Variants in CNTN1 observed in about 807,000 individuals in gnomAD.
CNTN1 encodes contactin 1.
CNTN1 carries 38 observed loss-of-function variants against 126.4 expected under a neutral mutation model. That is an observed-to-expected ratio of 0.30 (90% confidence interval 0.23 to 0.39). CNTN1 has a LOEUF of 0.39. Ranked by LOEUF, CNTN1 falls within the 10% of genes least tolerant of loss-of-function variation. CNTN1 has a pLI of 1.00. For synonymous variants in CNTN1, 413 were observed against 422.6 expected (o/e 0.98, Z 0.28); for missense variants, 1,009 against 1,248.4 (o/e 0.81, Z 2.89).
intron 17 of CNTN1, among the ~76,000 whole-genome samples, chr12:40,999,486 C>T (rs1283740117): frequency 6.6e-6 from 1 of 152,062 alleles, no homozygotes; most frequent in African/African-American, 2.4e-5. Flanking sequence ...CCCATTTCTG[C>T]AGGGCTGAGT....
chr12:40,767,636 GT>G (rs1939168124), intron 1 of CNTN1, among the ~76,000 whole-genome samples: 2 of 136,244 alleles, frequency 1.5e-5, no homozygotes, highest in South Asian at 4.7e-4. Context: ...TTGTTTGTTT[GT>G]TTGTTTGTTT....
At chr12:40,872,212 T>TTGTGTGTGTGTGTGTGTG (rs61187240) in intron 1 of CNTN1, among the ~76,000 whole-genome samples, 1 of 113,516 alleles carries the variant, frequency 8.8e-6, no homozygotes, top group Admixed American at 8.6e-5. Context: ...GTTGCTTTGT[T>TTGTGTGTGTGTGTGTGTG]TGTGTGTGTG....
chr12:40,879,899 T>G (rs969517713), intron 1 of CNTN1, among the ~76,000 whole-genome samples: 2 of 152,074 alleles, frequency 1.3e-5, no homozygotes, highest in South Asian at 2.1e-4. Context: ...AGGTAACTCA[T>G]TAAAAGCAAG....
chr12:40,819,547 C>T (rs1941376562), intron 1 of CNTN1, among the ~76,000 whole-genome samples: 1 of 152,206 alleles, frequency 6.6e-6, no homozygotes, highest in Non-Finnish European at 1.5e-5. Flanking sequence ...AAGGGAAAAG[C>T]ACAGCCTGGA....
At chr12:40,885,246 AAAG>A (rs952216833) in intron 1 of CNTN1, among the ~76,000 whole-genome samples, 59 of 152,048 alleles carry the variant, frequency 3.9e-4, no homozygotes, top group Admixed American at 1.7e-3. Flanking sequence ...AAATGGACAC[AAAG>A]AAGAACCTAT....
At chr12:40,983,499 A>T (rs1010192342) in intron 16 of CNTN1, among the ~76,000 whole-genome samples, 6 of 150,020 alleles carry the variant, frequency 4.0e-5, no homozygotes, top group African/African-American at 1.5e-4. Context: ...GTGTGAGTGT[A>T]TGTGTGTATG....
chr12:41,012,613 G>A (rs144913852), intron 17 of CNTN1, among the ~76,000 whole-genome samples: 299 of 152,294 alleles, frequency 2.0e-3, no homozygotes, highest in African/African-American at 6.8e-3. Context: ...TCCATGAAAG[G>A]AAGCTGGTTC....
intron 1 of CNTN1, among the ~76,000 whole-genome samples, chr12:40,840,000 A>G (rs1273132250): frequency 6.6e-6 from 1 of 152,138 alleles, no homozygotes; most frequent in African/African-American, 2.4e-5. Flanking sequence ...ACGTATCAAT[A>G]ATAATCTTAA....
intron 1 of CNTN1, among the ~76,000 whole-genome samples, chr12:40,812,064 A>G (rs1941086678): frequency 2.0e-5 from 3 of 151,000 alleles, no homozygotes; most frequent in South Asian, 4.2e-4. Context: ...CTTTTGCTGC[A>G]TCCCTTAAAT....
At chr12:40,894,314 T>C (rs761199492) in intron 1 of CNTN1, among the ~76,000 whole-genome samples, 3 of 152,180 alleles carry the variant, frequency 2.0e-5, no homozygotes, top group African/African-American at 7.2e-5. Context: ...ATAAGCTCTA[T>C]TGTATCCTTC....
rs370984371 is a variant in CNTN1, at chr12:40,707,227, C to CTTTTTTTTTTTTTTT, written c.-77+14660_-77+14674dup. ...TTCCTCTTTCATTTCTTTTCTTTTT[C>CTTTTTTTTTTTTTTT]TTTTTTTTTTTTTTTTTTTTTTTTT... On this transcript the variant is annotated intron_variant, in intron 1 of 23. Coordinates refer to ENST00000551295, the MANE Select transcript of CNTN1 (RefSeq NM_001843.4). Among the ~76,000 whole-genome samples, 63 of 109,148 alleles carry CTTTTTTTTTTTTTTT rather than the reference C, an allele frequency of 5.8e-4. 4 individuals carry two copies. The highest frequency in any genetic ancestry group is 2.1e-3 in the African/African-American group (54 of 26,034). The allele number at this position is 109,148 out of a possible 152,430, so 71.6% of individuals were successfully genotyped here.
At chr12:41,029,830 C>T (rs996677715) in intron 23 of CNTN1, among the ~76,000 whole-genome samples, 2 of 151,970 alleles carry the variant, frequency 1.3e-5, no homozygotes, top group Non-Finnish European at 2.9e-5. Context: ...TCTATCTTAT[C>T]TATTCCTTTT....
intron 1 of CNTN1, among the ~76,000 whole-genome samples, chr12:40,803,764 G>GGGGAAGA (rs1417568178): frequency 1.3e-5 from 2 of 151,668 alleles, no homozygotes; most frequent in Non-Finnish European, 2.9e-5. Flanking sequence ...GAAGAGGAGA[G>GGGGAAGA]GGGAAGAGGG....
intron 1 of CNTN1, among the ~76,000 whole-genome samples, chr12:40,761,280 C>T (rs1057402957): frequency 5.3e-5 from 8 of 152,014 alleles, no homozygotes; most frequent in African/African-American, 1.9e-4. Flanking sequence ...AGTAACACTT[C>T]TTTTTAGTTA....
At chr12:41,059,480 G>C (rs1471024243) in intron 23 of CNTN1, among the ~76,000 whole-genome samples, 1 of 152,190 alleles carries the variant, frequency 6.6e-6, no homozygotes, top group African/African-American at 2.4e-5. Context: ...GCATTCTCTA[G>C]TAATGTTTAA....
At chr12:40,929,749 A>G (rs1019239823) in intron 6 of CNTN1, 47 bp from the exon 7 acceptor site, 8 of 1,413,732 alleles carry the variant, frequency 5.7e-6, no homozygotes, top group Non-Finnish European at 8.0e-6. Context: ...TTATGTAACA[A>G]CTTTGGGAGA....
chr12:40,779,604 ACATTCTTTT>A (rs1939714385), intron 1 of CNTN1, among the ~76,000 whole-genome samples: 1 of 151,886 alleles, frequency 6.6e-6, no homozygotes, highest in African/African-American at 2.4e-5. Context: ...GTCATTTAAG[ACATTCTTTT>A]AAATGTGTTT....
chr12:40,817,386 C>G (rs983134711), intron 1 of CNTN1, among the ~76,000 whole-genome samples: 8 of 151,318 alleles, frequency 5.3e-5, no homozygotes, highest in Middle Eastern at 3.2e-3. Context: ...GAATTGTTCC[C>G]TTTACCATCA....
intron 1 of CNTN1, among the ~76,000 whole-genome samples, chr12:40,702,331 G>T (rs925115120): frequency 2.0e-5 from 3 of 152,152 alleles, no homozygotes; most frequent in African/African-American, 7.2e-5. Flanking sequence ...TCTATTGAAT[G>T]AATGCCCCCA....
Sources: allele counts gnomAD v4.1 joint callset (sites outside exome capture counted in the v4.1 genomes callset), GRCh38; gene constraint gnomAD v4.1.1; transcripts MANE v1.5; gene names NCBI Gene and HGNC (gene_info 2026-07-23, HGNC 2026-07-21).